Variants in RAB8B observed in about 807,000 individuals in gnomAD.
RAB8B encodes ras-related protein Rab-8B.
Under a neutral mutation model 32.0 loss-of-function variants are expected in RAB8B, and 11 were observed. The observed-to-expected ratio is 0.34, with a 90% CI of 0.22 to 0.57. The LOEUF is 0.57. Among genes scored for constraint, RAB8B ranks in the 20% least tolerant of loss-of-function variants. The pLI, the probability that RAB8B is intolerant of heterozygous loss-of-function variation, is 0.86. For synonymous variants in RAB8B, 103 were observed against 89.6 expected (o/e 1.15, Z -0.85); for missense variants, 190 against 258.5 (o/e 0.73, Z 1.82).
In RAB8B at chr15:63,259,870, C is replaced by G. The variant is rs1188324947; in HGVS notation, c.480+178C>G. 2.0e-5 allele frequency among the ~76,000 whole-genome samples: 3 copies of G among 151,744 alleles called. No homozygotes were observed. The highest frequency in any genetic ancestry group is 1.3e-4 in the Admixed American group (2 of 15,236). ...TTTTTTTTTGAGATGGAGTCTCACT[C>G]TGTCGCCAGGCTGGAATGCAGTGGC... On this transcript the variant is annotated intron_variant, in intron 6 of 7. Transcript: ENST00000321437. This position sits in a 1 kb window ranked among gnomAD's most constrained non-coding sequence, Gnocchi z 4.4.
intron 1 of RAB8B, among the ~76,000 whole-genome samples, chr15:63,229,845 C>G (rs929116275): frequency 1.5e-4 from 20 of 136,540 alleles, no homozygotes; most frequent in Non-Finnish European, 2.8e-4. Context: ...AGGACAGAAT[C>G]TTTTGGCACC....
At chr15:63,220,325 C>T (rs948537700) in intron 1 of RAB8B, among the ~76,000 whole-genome samples, 1 of 152,074 alleles carries the variant, frequency 6.6e-6, no homozygotes, top group Non-Finnish European at 1.5e-5. Flanking sequence ...ATGCTTAGTA[C>T]TGTTTTGTCA....
intron 6 of RAB8B, among the ~76,000 whole-genome samples, chr15:63,261,563 C>T (rs948509888): frequency 6.6e-6 from 1 of 152,176 alleles, no homozygotes; most frequent in Non-Finnish European, 1.5e-5. Flanking sequence ...ATGGATAGAA[C>T]TCCCTGAACT....
chr15:63,244,845 C>T (rs1428746344), intron 2 of RAB8B, 29 bp downstream of exon 2: 10 of 1,514,844 alleles, frequency 6.6e-6, no homozygotes, highest in Non-Finnish European at 9.0e-6. Flanking sequence ...AGAGTTTCTG[C>T]TTTAATTGGG....
chr15:63,237,836 A>G (rs1037773807), intron 1 of RAB8B, among the ~76,000 whole-genome samples: 2 of 152,092 alleles, frequency 1.3e-5, no homozygotes, highest in Admixed American at 6.6e-5. Flanking sequence ...AGTTTCCCCA[A>G]TGTTTTCTTT....
intron 1 of RAB8B, among the ~76,000 whole-genome samples, chr15:63,209,176 C>T (rs4984308): frequency 1 from 152,146 of 152,146 alleles, 76,073 homozygotes; most frequent in Non-Finnish European, 1. Context: ...ACGATGAATT[C>T]CTTTAGGACA....
intron 1 of RAB8B, among the ~76,000 whole-genome samples, chr15:63,225,869 C>T (rs982511676): frequency 2.0e-5 from 3 of 152,004 alleles, no homozygotes; most frequent in Non-Finnish European, 4.4e-5. Flanking sequence ...GAAAGAGGGT[C>T]TCGCTCTGTC....
At chr15:63,211,205 CTT>C (rs1468086067) in intron 1 of RAB8B, among the ~76,000 whole-genome samples, 3 of 152,216 alleles carry the variant, frequency 2.0e-5, no homozygotes, top group Non-Finnish European at 4.4e-5. Flanking sequence ...TTTGGCCTAA[CTT>C]TTCTTTATTG....
intron 3 of RAB8B, among the ~76,000 whole-genome samples, chr15:63,252,593 C>A (rs1161378339): frequency 6.7e-6 from 1 of 148,570 alleles, no homozygotes; most frequent in South Asian, 2.1e-4. Context: ...AGAGCTAGGG[C>A]AGTTATTTGG....
intron 1 of RAB8B, among the ~76,000 whole-genome samples, chr15:63,217,278 C>G (rs2037800888): frequency 6.6e-6 from 1 of 152,118 alleles, no homozygotes; most frequent in South Asian, 2.1e-4. Flanking sequence ...TAATTACTTT[C>G]TTTTTGTGTA....
chr15:63,250,297 C>T (rs1167019159), intron 3 of RAB8B, among the ~76,000 whole-genome samples: 1 of 152,060 alleles, frequency 6.6e-6, no homozygotes, highest in Non-Finnish European at 1.5e-5. Context: ...TTATTAATAC[C>T]TTATGGCAGT....
At chr15:63,193,330 TTTTCTTG>T (rs1172586801) in intron 1 of RAB8B, among the ~76,000 whole-genome samples, 1 of 152,194 alleles carries the variant, frequency 6.6e-6, no homozygotes, top group Non-Finnish European at 1.5e-5. Context: ...GGAAGGTAGA[TTTTCTTG>T]TATCTGACTT....
At chr15:63,197,370 C>CTTTTTTTTTTTTTTTTT (rs58765418) in intron 1 of RAB8B, among the ~76,000 whole-genome samples, 89 of 61,432 alleles carry the variant, frequency 1.4e-3, no homozygotes, top group East Asian at 2.4e-3. Flanking sequence ...TCTTTCTTTT[C>CTTTTTTTTTTTTTTTTT]TTTTTTTTTT....
chr15:63,257,262 CTTT>C (rs554753766), intron 5 of RAB8B, among the ~76,000 whole-genome samples: 6 of 139,444 alleles, frequency 4.3e-5, no homozygotes, highest in Non-Finnish European at 3.2e-5. Context: ...ATTTTCTTTT[CTTT>C]TTTTTTTTTT....
chr15:63,221,506 T>C (rs2037844228), intron 1 of RAB8B, among the ~76,000 whole-genome samples: 1 of 152,180 alleles, frequency 6.6e-6, no homozygotes. Context: ...GCTGACTCAG[T>C]GACAAACTTC....
At chr15:63,193,823 C>T (rs2141104686) in intron 1 of RAB8B, among the ~76,000 whole-genome samples, 1 of 152,076 alleles carries the variant, frequency 6.6e-6, no homozygotes, top group East Asian at 1.9e-4. Context: ...AAAACAACAA[C>T]AACAACAACA....
At chr15:63,228,242 C>T (rs972248343) in intron 1 of RAB8B, among the ~76,000 whole-genome samples, 1 of 152,168 alleles carries the variant, frequency 6.6e-6, no homozygotes, top group Non-Finnish European at 1.5e-5. Context: ...TCTCAAACTC[C>T]TGGGCTCAAG....
intron 1 of RAB8B, among the ~76,000 whole-genome samples, chr15:63,243,984 G>C (rs2141135744): frequency 6.6e-6 from 1 of 152,204 alleles, no homozygotes; most frequent in East Asian, 1.9e-4. Flanking sequence ...CCACTCTCAA[G>C]ATAACTAACT....
chr15:63,215,883 T>A (rs1439736290), intron 1 of RAB8B, among the ~76,000 whole-genome samples: 1 of 151,800 alleles, frequency 6.6e-6, no homozygotes, highest in Non-Finnish European at 1.5e-5. Flanking sequence ...TAAAAAATTT[T>A]AAAAATTAGC....
Sources: allele counts gnomAD v4.1 joint callset (sites outside exome capture counted in the v4.1 genomes callset), GRCh38; gene constraint gnomAD v4.1.1; non-coding constraint Gnocchi (gnomAD v3.1); transcripts MANE v1.5; gene names NCBI Gene and HGNC (gene_info 2026-07-23, HGNC 2026-07-21).